The following TOP6BL variants were observed in gnomAD, a reference collection of about 807,000 sequenced individuals.
The protein encoded by TOP6BL is type 2 DNA topoisomerase 6 subunit B-like.
At chr11:66,838,496 A>G in the TOP6BL span, 1 of 1,531,260 alleles carries the variant, frequency 6.5e-7, no homozygotes, top group Non-Finnish European at 9.0e-7. Context: ...GAGGAAGTAA[A>G]AAACGTGAGT....
the TOP6BL span, chr11:66,842,893 C>A: frequency 1.3e-6 from 2 of 1,575,066 alleles, no homozygotes; most frequent in South Asian, 1.2e-5. Context: ...GAGGGGCAGC[C>A]CCCGCATAGA....
chr11:66,810,199 CAT>C, the TOP6BL span, among the ~76,000 whole-genome samples: 1 of 151,900 alleles, frequency 6.6e-6, no homozygotes, highest in South Asian at 2.1e-4. Flanking sequence ...ATTTTTCAGA[CAT>C]AGAAAAGGTG....
At chr11:66,801,040 T>C in the TOP6BL span, 4 of 1,613,898 alleles carry the variant, frequency 2.5e-6, no homozygotes, top group East Asian at 2.2e-5. Context: ...GGGTGGAGAA[T>C]GAACCCACTT....
At chr11:66,774,621 T>C in the TOP6BL span, among the ~76,000 whole-genome samples, 10 of 151,722 alleles carry the variant, frequency 6.6e-5, no homozygotes, top group African/African-American at 2.2e-4. Context: ...GCCTGGCTAA[T>C]TTTTTTGTTT....
At chr11:66,789,664 C>T in the TOP6BL span, among the ~76,000 whole-genome samples, 1 of 152,180 alleles carries the variant, frequency 6.6e-6, no homozygotes, top group Admixed American at 6.5e-5. Flanking sequence ...TTCTGTGTTT[C>T]AGTCAGCCTG....
the TOP6BL span, chr11:66,762,279 CG>C: frequency 8.4e-6 from 4 of 474,680 alleles, no homozygotes; most frequent in Non-Finnish European, 1.5e-5. Flanking sequence ...GCCTGAAGGG[CG>C]GGCGCACAGC....
chr11:66,817,237 A>G, the TOP6BL span, among the ~76,000 whole-genome samples: 2 of 152,188 alleles, frequency 1.3e-5, no homozygotes, highest in Non-Finnish European at 2.9e-5. Context: ...TTTCATCATC[A>G]TGCTGCCTTT....
At chr11:66,805,730 C>T in the TOP6BL span, among the ~76,000 whole-genome samples, 2 of 152,222 alleles carry the variant, frequency 1.3e-5, no homozygotes, top group Non-Finnish European at 2.9e-5. Flanking sequence ...TTTGGGATTA[C>T]AGGCATAAGC....
chr11:66,817,185 C>A, the TOP6BL span, among the ~76,000 whole-genome samples: 2 of 147,656 alleles, frequency 1.4e-5, no homozygotes, highest in South Asian at 2.1e-4. Flanking sequence ...AAAATAAAAT[C>A]ACTTCTCAGG....
the TOP6BL span, among the ~76,000 whole-genome samples, chr11:66,782,811 G>A: frequency 2.6e-5 from 4 of 152,102 alleles, no homozygotes; most frequent in South Asian, 2.1e-4. Context: ...CTATGTGTTC[G>A]TAATGTCATC....
At chr11:66,819,851 C>G in the TOP6BL span, among the ~76,000 whole-genome samples, 1 of 149,618 alleles carries the variant, frequency 6.7e-6, no homozygotes, top group Non-Finnish European at 1.5e-5. Context: ...TGCAGTGAGC[C>G]GAGATCACGC....
At chr11:66,842,891 GC>G in the TOP6BL span, 2 of 1,575,240 alleles carry the variant, frequency 1.3e-6, no homozygotes, top group Admixed American at 1.8e-5. Flanking sequence ...AAGAGGGGCA[GC>G]CCCCGCATAG....
chr11:66,813,944 C>A, the TOP6BL span: 2 of 1,613,524 alleles, frequency 1.2e-6, no homozygotes, highest in Non-Finnish European at 1.7e-6. Flanking sequence ...TTCAAAGATA[C>A]CTCTTCTTTA....
the TOP6BL span, among the ~76,000 whole-genome samples, chr11:66,800,485 A>G: frequency 6.6e-6 from 1 of 152,246 alleles, no homozygotes; most frequent in African/African-American, 2.4e-5. Context: ...ACCACATTGT[A>G]CCCTATGAAT....
chr11:66,759,456 T>C, the TOP6BL span, among the ~76,000 whole-genome samples: 1 of 152,254 alleles, frequency 6.6e-6, no homozygotes, highest in Non-Finnish European at 1.5e-5. Context: ...TGTTTCTATC[T>C]ACTTCAAAGA....
chr11:66,771,332 A>C, the TOP6BL span: 1 of 149,142 alleles, frequency 6.7e-6, no homozygotes, highest in Non-Finnish European at 1.5e-5. Flanking sequence ...TTTAAATTTG[A>C]GGCTGGGCGT....
At chr11:66,788,121 A>G in the TOP6BL span, 85 of 1,439,302 alleles carry the variant, frequency 5.9e-5, no homozygotes, top group Non-Finnish European at 1.3e-5. Context: ...TCTTATCCAA[A>G]CTGCTTGTTT....
chr11:66,747,394 A>T, the TOP6BL span, among the ~76,000 whole-genome samples: 10 of 141,810 alleles, frequency 7.1e-5, no homozygotes, highest in South Asian at 2.2e-4. Context: ...TTTTTATTTA[A>T]TTTTTTTTTT....
chr11:66,749,438 T>A, the TOP6BL span, among the ~76,000 whole-genome samples: 16 of 152,288 alleles, frequency 1.1e-4, no homozygotes, highest in Admixed American at 4.6e-4. Flanking sequence ...CAAAGGACTT[T>A]AGCCACAGTA....
Sources: gnomAD v4.1 joint callset for allele counts (sites outside exome capture counted in the v4.1 genomes callset) on GRCh38, gnomAD v4.1.1 for gene constraint, MANE v1.5 for transcripts, NCBI Gene and HGNC (gene_info 2026-07-23, HGNC 2026-07-21) for gene names.